Variants in TRMT9B observed in about 807,000 individuals in gnomAD.
The protein encoded by TRMT9B is tRNA methyltransferase 9B (putative).
In TRMT9B, 16 loss-of-function variants were observed where a neutral mutation model predicts 11.5. The observed-to-expected ratio is 1.39, with a 90% CI of 0.94 to 2.11. The LOEUF is 2.11. Ranked by LOEUF, TRMT9B falls within the 30% of genes most tolerant of loss-of-function variation. TRMT9B has a pLI of 0.00. For missense variants in TRMT9B, 941 were observed against 553.8 expected (o/e 1.70, Z -7.02); for synonymous variants, 274 against 192.4 (o/e 1.42, Z -3.51).
Position 13,021,711 on chromosome 8 carries a change from T to G in TRMT9B, c.1032T>G (p.Asn344Lys). The G allele has an allele frequency of 6.2e-7, 1 of 1,613,310 alleles. No individual in the cohort carries two copies. The highest frequency in any genetic ancestry group is 8.5e-7 in the Non-Finnish European group (1 of 1,179,640). Residue 344 changes from asparagine (N) to lysine (K), a missense_variant, in exon 5 of 5, where the codon AAT (asparagine) becomes AAG (lysine). Physicochemically the swap from Asn to Lys is moderately conservative, Grantham distance 94. Coordinates refer to ENST00000524591, the MANE Select transcript of TRMT9B (RefSeq NM_020844.3). ...ACCATCAAGGGGAAATGAGGAGAAA[T>G]GGAGGGGGAAATTTTCTGGATAGCA... ...NGDHQGEMRR[N>K]GGGNFLDSTN...
At chr8:13,016,267 TTATA>T (rs1005160611) in intron 4 of TRMT9B, among the ~76,000 whole-genome samples, 1 of 146,284 alleles carries the variant, frequency 6.8e-6, no homozygotes, top group Non-Finnish European at 1.5e-5. Context: ...AAATATATAT[TTATA>T]TATATAAATA....
chr8:13,003,184 T>A (rs1585307724), intron 2 of TRMT9B, among the ~76,000 whole-genome samples: 1 of 152,088 alleles, frequency 6.6e-6, no homozygotes, highest in Non-Finnish European at 1.5e-5. Flanking sequence ...GTGATCCCTG[T>A]AGAGGTATGC....
chr8:12,949,292 T>C (rs1195777123), intron 1 of TRMT9B, among the ~76,000 whole-genome samples: 1 of 152,040 alleles, frequency 6.6e-6, no homozygotes, highest in African/African-American at 2.4e-5. Flanking sequence ...ACCTCACAAA[T>C]AATGAGAAAA....
At position 13,011,496 on chromosome 8, in the gene TRMT9B, G is replaced by A. The variant is rs1811605075; in HGVS notation, c.155-1188G>A. On this transcript the variant is annotated intron_variant, in intron 3 of 4. Transcript: ENST00000524591. ...AAAATTTCATCAGTAATGCCAATAA[G>A]TACAAATATAGGCTCTAATGATTTC... 5.1e-6 allele frequency: 5 copies of A among 973,110 alleles called. No individual in the cohort carries two copies. In the South Asian group the frequency reaches 1.9e-4, roughly 37 times the overall value. 60.3% of individuals were successfully genotyped at this position (973,110 alleles called of 1,614,324 possible). A position where few individuals can be genotyped will look rare whatever the true frequency, so the allele number is the denominator to read the frequency against.
intron 1 of TRMT9B, among the ~76,000 whole-genome samples, chr8:12,972,772 C>A (rs1803839405): frequency 6.6e-6 from 1 of 152,194 alleles, no homozygotes; most frequent in African/African-American, 2.4e-5. Flanking sequence ...AGTTGCTAGA[C>A]TACCTCAGCA....
In TRMT9B at chr8:12,983,101, T is replaced by A. The variant is rs570428696; in HGVS notation, c.-199-7733T>A. Among the ~76,000 whole-genome samples, 26 of 152,160 alleles carry A rather than the reference T, an allele frequency of 1.7e-4. 1 individual carries two copies. The South Asian group carries it at 5.4e-3, about 32-fold the overall frequency. On this transcript the variant is annotated intron_variant, in intron 1 of 4. Coordinates refer to ENST00000524591, the MANE Select transcript of TRMT9B (RefSeq NM_020844.3). ...TGTGGTGTAAAGATATTGTTGAAAA[T>A]GTCAAAAAGACCTGCAGATACCCCT... is the stretch of plus-strand genomic sequence containing the variant.
intron 1 of TRMT9B, 89 bp downstream of exon 1, chr8:12,946,055 C>T (rs1419287162): frequency 6.6e-6 from 1 of 152,148 alleles, no homozygotes; most frequent in Non-Finnish European, 1.5e-5. Flanking sequence ...ACTATAAGTG[C>T]CATGAGGGTA....
chr8:13,020,488 G>A (rs923160369), intron 4 of TRMT9B, among the ~76,000 whole-genome samples: 21 of 152,116 alleles, frequency 1.4e-4, no homozygotes, highest in African/African-American at 4.6e-4. Flanking sequence ...GACTTGGGGT[G>A]AGCTGCTGAT....
At chr8:12,982,679 A>T (rs1028895382) in intron 1 of TRMT9B, among the ~76,000 whole-genome samples, 2 of 151,988 alleles carry the variant, frequency 1.3e-5, no homozygotes, top group Non-Finnish European at 2.9e-5. Flanking sequence ...AAAAAATCAT[A>T]ATCAGAGTTT....
chr8:13,021,235 A>G lies in TRMT9B; in HGVS notation c.556A>G (p.Arg186Gly). The G allele has an allele frequency of 6.2e-7, 1 of 1,613,910 alleles. No individual in the cohort carries two copies. The change falls in exon 5 of 5, where the codon AGA becomes GGA. Residue 186 changes from arginine (R) to glycine (G), a missense_variant. Physicochemically the swap from Arg to Gly is moderately radical, Grantham distance 125 (BLOSUM62 -2). Transcript: ENST00000524591. ...GAAGAGGCAGTGTGGATACCCAGAA[A>G]GAGGCCATCCCTACCATCCTCCTTG... Reference protein sequence around the residue: ...GRKRQCGYPERGHPYHPPCSE... With the variant: ...GRKRQCGYPEGGHPYHPPCSE...
chr8:12,959,272 C>G (rs1801725197), intron 1 of TRMT9B, among the ~76,000 whole-genome samples: 1 of 152,052 alleles, frequency 6.6e-6, no homozygotes, highest in Non-Finnish European at 1.5e-5. Context: ...TATGATATGC[C>G]AAGTGGAAAA....
At chr8:12,998,260 C>G (rs1309557361) in intron 2 of TRMT9B, among the ~76,000 whole-genome samples, 1 of 152,112 alleles carries the variant, frequency 6.6e-6, no homozygotes, top group Non-Finnish European at 1.5e-5. Flanking sequence ...ATGGTTAGCA[C>G]TTTATATGAC....
chr8:13,000,706 T>C (rs966400397), intron 2 of TRMT9B, among the ~76,000 whole-genome samples: 1 of 152,150 alleles, frequency 6.6e-6, no homozygotes, highest in African/African-American at 2.4e-5. Flanking sequence ...AAAGTAGCAA[T>C]AAAGGTAAGA....
intron 1 of TRMT9B, chr8:12,969,933 C>T (rs1310498824): frequency 6.6e-6 from 1 of 151,664 alleles, no homozygotes; most frequent in African/African-American, 2.4e-5. Context: ...ATCCTCCCAC[C>T]TCAGCTTCCC....
At chr8:13,002,599 A>T (rs759774757) in intron 2 of TRMT9B, among the ~76,000 whole-genome samples, 17 of 152,186 alleles carry the variant, frequency 1.1e-4, no homozygotes, top group Non-Finnish European at 2.4e-4. Flanking sequence ...CATACTGATT[A>T]AAGACAACCT....
At chr8:13,018,193 G>A (rs1813131089) in intron 4 of TRMT9B, among the ~76,000 whole-genome samples, 1 of 150,832 alleles carries the variant, frequency 6.6e-6, no homozygotes. Flanking sequence ...CTTGAGCCCA[G>A]GAGTTCGATA....
At chr8:13,015,123 T>G (rs955270626) in intron 4 of TRMT9B, among the ~76,000 whole-genome samples, 1 of 151,876 alleles carries the variant, frequency 6.6e-6, no homozygotes, top group Non-Finnish European at 1.5e-5. Context: ...AAGAAATCTG[T>G]GGACTGCTTG....
chr8:12,953,389 G>C (rs770425415), intron 1 of TRMT9B, among the ~76,000 whole-genome samples: 1 of 151,908 alleles, frequency 6.6e-6, no homozygotes, highest in Non-Finnish European at 1.5e-5. Flanking sequence ...TCACTCTATC[G>C]CCTAGGCTGG....
intron 1 of TRMT9B, among the ~76,000 whole-genome samples, chr8:12,985,802 C>T (rs1806192287): frequency 1.3e-5 from 2 of 152,022 alleles, no homozygotes; most frequent in South Asian, 4.1e-4. Flanking sequence ...TGTGTATTCT[C>T]TTTTGATTTA....
Sources: gnomAD v4.1 joint callset for allele counts (sites outside exome capture counted in the v4.1 genomes callset) on GRCh38, gnomAD v4.1.1 for gene constraint, MANE v1.5 for transcripts, NCBI Gene and HGNC (gene_info 2026-07-23, HGNC 2026-07-21) for gene names.